BPTF: variants seen among roughly 807,000 people sequenced by gnomAD.
BPTF encodes the protein nucleosome-remodeling factor subunit BPTF.
A neutral mutation model predicts 292.5 loss-of-function variants in BPTF; 18 were observed. That is an observed-to-expected ratio of 0.06 (90% CI 0.04 to 0.09). BPTF has a LOEUF of 0.09. Ranked by LOEUF, BPTF falls within the 10% of genes least tolerant of loss-of-function variation. The pLI is 1.00. For synonymous variants in BPTF, 1,225 were observed against 1,251.9 expected, an observed-to-expected ratio of 0.98 and a Z score of 0.45; for missense variants, 2,726 against 3,498.7, an observed-to-expected ratio of 0.78 and a Z score of 5.57.
chr17:67,893,699 T>C lies in BPTF; in HGVS notation c.2385T>C (p.Phe795=). 6.2e-7 allele frequency: 1 copy of C among 1,607,738 alleles called. No individual in the cohort carries two copies. Among genetic ancestry groups the C allele is most frequent in the Admixed American group, 1.7e-5 (1 of 59,758 alleles). Residue 795 remains phenylalanine, a synonymous_variant, in exon 6 of 28, where the codon TTT becomes TTC. Coordinates refer to ENST00000306378, the MANE Select transcript of BPTF (RefSeq NM_182641.4). Reference sequence around the variant, plus strand: ...TAGAAAACAACATCCCTTCATCCTTTCTTCATCCCAACTGGGCATCACATA... The same window carrying C: ...TAGAAAACAACATCCCTTCATCCTTCCTTCATCCCAACTGGGCATCACATA... The part of the protein sequence containing the change: ...TQLENNIPSS[F]LHPNWASHRA...
intron 1 of BPTF, among the ~76,000 whole-genome samples, chr17:67,829,481 CG>C (rs1476076490): frequency 3.3e-5 from 5 of 151,378 alleles, no homozygotes; most frequent in African/African-American, 1.2e-4. Context: ...CCCCACCCCC[CG>C]GATGTGACAT....
At chr17:67,961,657 G>A (rs2067501318) in intron 24 of BPTF, among the ~76,000 whole-genome samples, 2 of 152,030 alleles carry the variant, frequency 1.3e-5, no homozygotes, top group Non-Finnish European at 1.5e-5. Context: ...GACCAGTCTG[G>A]GCAACATAGA....
At chr17:67,869,475 G>A (rs545200747) in intron 3 of BPTF, among the ~76,000 whole-genome samples, 5 of 152,216 alleles carry the variant, frequency 3.3e-5, no homozygotes, top group South Asian at 2.1e-4. Flanking sequence ...AGAACACTGC[G>A]TATTGGAGAA....
intron 3 of BPTF, among the ~76,000 whole-genome samples, chr17:67,872,564 G>C (rs1221769382): frequency 6.6e-6 from 1 of 152,034 alleles, no homozygotes; most frequent in African/African-American, 2.4e-5. Flanking sequence ...AAATTAGCCA[G>C]GTGTGGTGGT....
intron 2 of BPTF, among the ~76,000 whole-genome samples, chr17:67,862,741 G>T (rs1188842033): frequency 6.6e-6 from 1 of 151,046 alleles, no homozygotes; most frequent in East Asian, 1.9e-4. Context: ...CAGTTTTGGA[G>T]AATAGAAGTC....
chr17:67,907,214 A>G (rs1023178749), intron 9 of BPTF, among the ~76,000 whole-genome samples: 6 of 149,640 alleles, frequency 4.0e-5, no homozygotes, highest in African/African-American at 1.5e-4. Flanking sequence ...TTTAAGTCCC[A>G]AGAATATTCA....
At chr17:67,850,284 A>G (rs2058312671) in intron 1 of BPTF, among the ~76,000 whole-genome samples, 1 of 152,190 alleles carries the variant, frequency 6.6e-6, no homozygotes, top group Non-Finnish European at 1.5e-5. Flanking sequence ...TAGTTCATGT[A>G]TGTATTCATC....
Position 67,826,294 on chromosome 17 carries a change from G to C in BPTF, c.570G>C (p.Thr190=). Residue 190 remains threonine (T), a synonymous_variant, in exon 1 of 28, where the codon ACG becomes ACC. Transcript: ENST00000306378. ...EDDDDDASYC[T]ESSFRSHSTY... ...ACGACGACGACGCCAGTTACTGCACGGAAAGCAGCTTCAGGAGCCATAGTA... is the reference window on the plus strand; with the variant it reads ...ACGACGACGACGCCAGTTACTGCACCGAAAGCAGCTTCAGGAGCCATAGTA... 1.9e-6 allele frequency: 3 copies of C among 1,612,790 alleles called. No individual in the cohort carries two copies. Among genetic ancestry groups the C allele is most frequent in the South Asian group, 1.1e-5 (1 of 91,022 alleles).
intron 4 of BPTF, among the ~76,000 whole-genome samples, chr17:67,888,589 CAAAAAAAA>C (rs776548348): frequency 3.0e-4 from 19 of 63,552 alleles, no homozygotes; most frequent in African/African-American, 8.3e-4. Flanking sequence ...GACTCCGTCT[CAAAAAAAA>C]AAAAAAAAAA....
intron 1 of BPTF, among the ~76,000 whole-genome samples, chr17:67,831,676 G>A (rs1165208736): frequency 6.6e-6 from 1 of 152,096 alleles, no homozygotes; most frequent in African/African-American, 2.4e-5. Flanking sequence ...GTGAGAGACT[G>A]GTAGTCATGG....
chr17:67,886,160 A>G lies in BPTF; in HGVS notation c.1865-5684A>G, dbSNP rs756498408. 9 of 1,611,378 alleles carry G rather than the reference A, an allele frequency of 5.6e-6. No homozygotes were observed. The Admixed American group carries it at 1.2e-4, about 21-fold the overall frequency. On this transcript the variant is annotated intron_variant, in intron 4 of 27. Coordinates refer to ENST00000306378, the MANE Select transcript of BPTF (RefSeq NM_182641.4). ...TAACAAGACATGTGAGAGCAGTAAC[A>G]CTAGTGCTACCACTACCTCCATCCA...
chr17:67,870,035 A>C (rs1240805367), intron 3 of BPTF, among the ~76,000 whole-genome samples: 2 of 150,624 alleles, frequency 1.3e-5, no homozygotes, highest in South Asian at 4.2e-4. Context: ...AATTAGCAAA[A>C]CCTTTTGTAG....
intron 7 of BPTF, among the ~76,000 whole-genome samples, chr17:67,895,356 A>AT (rs1263475766): frequency 6.9e-6 from 1 of 145,860 alleles, no homozygotes; most frequent in Admixed American, 6.8e-5. Context: ...AAAAAAAAAA[A>AT]GGAATGTAAT....
chr17:67,932,235 CAG>C (rs1344528265), intron 18 of BPTF, among the ~76,000 whole-genome samples: 1 of 152,060 alleles, frequency 6.6e-6, no homozygotes, highest in Non-Finnish European at 1.5e-5. Context: ...AAAAATGTAA[CAG>C]AAATCACTAA....
chr17:67,907,185 CAAA>C (rs34520139), intron 9 of BPTF, among the ~76,000 whole-genome samples: 63 of 92,828 alleles, frequency 6.8e-4, no homozygotes, highest in Non-Finnish European at 1.0e-3. Flanking sequence ...ACACTGTCTC[CAAA>C]AAAAAAAAAA....
At chr17:67,949,765 A>C (rs1316669386) in intron 23 of BPTF, among the ~76,000 whole-genome samples, 13 of 151,796 alleles carry the variant, frequency 8.6e-5, no homozygotes, top group Admixed American at 8.5e-4. Flanking sequence ...AGGTTATCTC[A>C]AGCATTTCAA....
chr17:67,873,825 G>A lies in BPTF; in HGVS notation c.1661-992G>A, dbSNP rs542043995. Among the ~76,000 whole-genome samples the A allele has an allele frequency of 3.3e-5, 5 of 152,304 alleles. No individual in the cohort carries two copies. The East Asian group carries it at 9.6e-4, about 29-fold the overall frequency. ...ACTCTAGAATAGTAACACCCCAATA[G>A]TAACAAACACACCAACCACTTAGAT... On this transcript the variant is annotated intron_variant, in intron 3 of 27. Coordinates refer to ENST00000306378, the MANE Select transcript of BPTF (RefSeq NM_182641.4).
chr17:67,940,782 G>A (rs1598801204), intron 19 of BPTF, 126 bp downstream of exon 19: 1 of 1,065,118 alleles, frequency 9.4e-7, no homozygotes, highest in East Asian at 2.6e-5. Context: ...GTTGCTTCCT[G>A]GAGTCAAGCA....
chr17:67,947,066 C>G (rs568384440), intron 21 of BPTF, among the ~76,000 whole-genome samples: 50 of 152,316 alleles, frequency 3.3e-4, no homozygotes, highest in African/African-American at 1.1e-3. Flanking sequence ...CTCACTTATC[C>G]CTCCTTAGCT....
Sources: allele counts gnomAD v4.1 joint callset (sites outside exome capture counted in the v4.1 genomes callset), GRCh38; gene constraint gnomAD v4.1.1; transcripts MANE v1.5; gene names NCBI Gene and HGNC (gene_info 2026-07-23, HGNC 2026-07-21).